SHISA9: variants seen among roughly 807,000 people sequenced by gnomAD.
SHISA9 encodes the protein protein shisa-9.
A neutral mutation model predicts 38.0 loss-of-function variants in SHISA9; 13 were observed. The ratio of observed to expected loss-of-function variants is 0.34; its 90% CI spans 0.22 to 0.54. SHISA9 has a LOEUF of 0.54. Among genes scored for constraint, SHISA9 ranks in the 20% least tolerant of loss-of-function variants. SHISA9 has a pLI of 0.91. For synonymous variants in SHISA9, 275 were observed against 242.0 expected (o/e 1.14, Z -1.27); for missense variants, 538 against 575.8 (o/e 0.93, Z 0.67).
chr16:13,030,492 C>G (rs924189263), intron 2 of SHISA9, among the ~76,000 whole-genome samples: 31 of 152,166 alleles, frequency 2.0e-4, no homozygotes, highest in African/African-American at 6.8e-4. Context: ...TGCTTCCCTT[C>G]CCTGTCTAAC....
At chr16:13,114,961 T>G (rs1015804368) in intron 2 of SHISA9, among the ~76,000 whole-genome samples, 2 of 152,154 alleles carry the variant, frequency 1.3e-5, no homozygotes, top group African/African-American at 4.8e-5. Flanking sequence ...CCTGTATCTT[T>G]GTATCTATAT....
chr16:13,384,450 A>G, the SHISA9 span, among the ~76,000 whole-genome samples: 1 of 152,218 alleles, frequency 6.6e-6, no homozygotes, highest in Non-Finnish European at 1.5e-5. Flanking sequence ...TTATTGGAAT[A>G]AGTAGAAGTA....
At chr16:13,303,174 G>A in the SHISA9 span, among the ~76,000 whole-genome samples, 907 of 152,268 alleles carry the variant, frequency 6.0e-3, 7 homozygotes, top group African/African-American at 0.018. Flanking sequence ...ATACAAGGCA[G>A]TTCCTCAAAA....
At chr16:13,503,834 T>C in the SHISA9 span, among the ~76,000 whole-genome samples, 1 of 152,150 alleles carries the variant, frequency 6.6e-6, no homozygotes, top group Non-Finnish European at 1.5e-5. Flanking sequence ...ATGGGAATAA[T>C]GAATTGCAGA....
chr16:12,906,637 G>A (rs952190293), intron 1 of SHISA9, among the ~76,000 whole-genome samples: 5 of 152,084 alleles, frequency 3.3e-5, no homozygotes, highest in African/African-American at 1.2e-4. Context: ...TTCTACTTAG[G>A]TGTTTTTATT....
At chr16:13,402,850 G>A in the SHISA9 span, among the ~76,000 whole-genome samples, 1 of 152,186 alleles carries the variant, frequency 6.6e-6, no homozygotes, top group African/African-American at 2.4e-5. Context: ...TGGGTGCAGT[G>A]GCTCACGCCA....
At chr16:13,282,019 A>G in the SHISA9 span, among the ~76,000 whole-genome samples, 21 of 152,008 alleles carry the variant, frequency 1.4e-4, no homozygotes, top group African/African-American at 3.6e-4. Flanking sequence ...AAATTTTCTC[A>G]TAATTTAAGA....
At chr16:13,081,417 G>C (rs2073648376) in intron 2 of SHISA9, among the ~76,000 whole-genome samples, 1 of 152,212 alleles carries the variant, frequency 6.6e-6, no homozygotes, top group African/African-American at 2.4e-5. Flanking sequence ...AGTCCTCACG[G>C]CTACTGTGAA....
chr16:13,404,023 C>T, the SHISA9 span, among the ~76,000 whole-genome samples: 2 of 152,156 alleles, frequency 1.3e-5, no homozygotes, highest in African/African-American at 2.4e-5. Flanking sequence ...CCAAAAGGCA[C>T]GTCTTGTAAA....
At chr16:13,019,881 TC>T (rs1596589540) in intron 2 of SHISA9, among the ~76,000 whole-genome samples, 32 of 16,666 alleles carry the variant, frequency 1.9e-3, no homozygotes, top group East Asian at 0.019. Flanking sequence ...CCTCCCTCCC[TC>T]CCTTCTTTCT....
intron 4 of SHISA9, among the ~76,000 whole-genome samples, chr16:13,216,260 A>G (rs933233584): frequency 2.0e-5 from 3 of 151,938 alleles, no homozygotes; most frequent in African/African-American, 4.8e-5. Flanking sequence ...ATGGGTTCCA[A>G]TACAGGCACC....
In SHISA9 at chr16:13,213,366, G is replaced by A. The variant is rs911947898; in HGVS notation, c.895+66G>A. On this transcript the variant is annotated intron_variant, in intron 4 of 4. Transcript: ENST00000558583. ...TCAAAGTTAGCATTAAATAATGAAG[G>A]GATAGAGAGTCCTGGTGTCTGTGTG... is the stretch of plus-strand genomic sequence containing the variant. The A allele has an allele frequency of 6.3e-5, 91 of 1,433,480 alleles. No homozygotes were observed. In the Admixed American group the frequency reaches 1.7e-3, roughly 27 times the overall value. The allele number at this position is 1,433,480 out of a possible 1,614,324, so 88.8% of individuals were successfully genotyped here.
At chr16:13,112,178 G>T (rs2073985310) in intron 2 of SHISA9, among the ~76,000 whole-genome samples, 1 of 152,172 alleles carries the variant, frequency 6.6e-6, no homozygotes, top group Non-Finnish European at 1.5e-5. Flanking sequence ...AAAAAGGCCT[G>T]AGGACTTGTG....
chr16:13,315,188 A>G, the SHISA9 span, among the ~76,000 whole-genome samples: 1 of 152,342 alleles, frequency 6.6e-6, no homozygotes, highest in Admixed American at 6.5e-5. Context: ...AATCACTTGT[A>G]GCATAGCACC....
At chr16:13,194,130 C>A (rs1477734290) in intron 2 of SHISA9, among the ~76,000 whole-genome samples, 2 of 152,090 alleles carry the variant, frequency 1.3e-5, no homozygotes, top group African/African-American at 4.8e-5. Flanking sequence ...GACATCCCAT[C>A]CCATTCCTCT....
At chr16:12,988,687 G>A (rs539653523) in intron 2 of SHISA9, among the ~76,000 whole-genome samples, 43 of 151,906 alleles carry the variant, frequency 2.8e-4, no homozygotes, top group Non-Finnish European at 4.9e-4. Context: ...AACCATGCCC[G>A]ACTATTTTCG....
At chr16:13,183,719 T>C (rs1226329177) in intron 2 of SHISA9, among the ~76,000 whole-genome samples, 3 of 152,264 alleles carry the variant, frequency 2.0e-5, no homozygotes, top group Admixed American at 6.5e-5. Flanking sequence ...AGGTATGCAA[T>C]GTACTCTCAT....
the SHISA9 span, among the ~76,000 whole-genome samples, chr16:13,537,368 C>T: frequency 1.3e-5 from 2 of 150,692 alleles, no homozygotes; most frequent in Middle Eastern, 3.4e-3. Context: ...GTGGAGGTTG[C>T]AGTGAGCCGA....
At chr16:13,432,681 A>G in the SHISA9 span, among the ~76,000 whole-genome samples, 1 of 152,214 alleles carries the variant, frequency 6.6e-6, no homozygotes, top group Admixed American at 6.5e-5. Flanking sequence ...AAGGCATATA[A>G]GTGATTATAA....
Sources: allele counts gnomAD v4.1 joint callset (sites outside exome capture counted in the v4.1 genomes callset), GRCh38; gene constraint gnomAD v4.1.1; transcripts MANE v1.5; gene names NCBI Gene and HGNC (gene_info 2026-07-23, HGNC 2026-07-21).